The following SNX25 variants were observed in gnomAD, a reference collection of about 807,000 sequenced individuals.
The protein encoded by SNX25 is sorting nexin-25.
In SNX25, 62 loss-of-function variants were observed where a neutral mutation model predicts 113.7. That is an observed-to-expected ratio of 0.55 (90% CI 0.44 to 0.67). The LOEUF (loss-of-function observed/expected upper bound fraction) is 0.67, where lower values mean the gene tolerates loss of function less well. SNX25 is among the 30% of genes least tolerant of loss of function. The probability of loss-of-function intolerance (pLI) is 0.00; values close to 1 mark genes in which losing one functional copy is unlikely to be tolerated. For missense variants in SNX25, 1,014 were observed against 1,161.0 expected (o/e 0.87, Z 1.84); for synonymous variants, 421 against 436.2 (o/e 0.97, Z 0.43).
At chr4:185,253,601 T>A (rs909329437) in intron 2 of SNX25, among the ~76,000 whole-genome samples, 10 of 152,014 alleles carry the variant, frequency 6.6e-5, no homozygotes, top group African/African-American at 2.4e-4. Flanking sequence ...CCGAGTTGCT[T>A]GAGACTACAG....
intron 17 of SNX25, 121 bp from the exon 18 acceptor site, chr4:185,362,490 G>T: frequency 1.7e-6 from 2 of 1,178,442 alleles, no homozygotes; most frequent in Non-Finnish European, 2.3e-6. Flanking sequence ...GACCATTCAT[G>T]TTTCTCATGC....
upstream of SNX25, among the ~76,000 whole-genome samples, chr4:185,208,504 C>T (rs1404382605): frequency 1.3e-5 from 2 of 151,604 alleles, no homozygotes; most frequent in African/African-American, 4.8e-5. Context: ...CTGAGGCAGG[C>T]GGATCACGAG....
chr4:185,336,251 G>C (rs2095229174), intron 10 of SNX25, among the ~76,000 whole-genome samples: 1 of 152,110 alleles, frequency 6.6e-6, no homozygotes, highest in Non-Finnish European at 1.5e-5. Context: ...GGTGCTTTCT[G>C]AGATTTTGGT....
At chr4:185,332,354 T>C (rs184998961) in intron 9 of SNX25, among the ~76,000 whole-genome samples, 1 of 152,300 alleles carries the variant, frequency 6.6e-6, no homozygotes, top group Admixed American at 6.5e-5. Context: ...AATAATGGCA[T>C]GGGATTTCCC....
In SNX25 at chr4:185,341,954, C is replaced by A. The variant is rs778762278; in HGVS notation, c.2047-22C>A. ...CATTCACCATGCTTTTTGTAAGTAT[C>A]GATTTTGATGTTTTCCCCAAGGTTA... On this transcript the variant is annotated intron_variant, in intron 11 of 18. Transcript: ENST00000652585. 3.8e-6 allele frequency: 6 copies of A among 1,560,464 alleles called. No homozygotes were observed. The South Asian group carries it at 6.1e-5, about 16-fold the overall frequency.
At chr4:185,351,143 T>G (rs538561226) in intron 13 of SNX25, among the ~76,000 whole-genome samples, 4 of 152,346 alleles carry the variant, frequency 2.6e-5, no homozygotes, top group African/African-American at 9.6e-5. Context: ...AGCTGTAAAG[T>G]AAGAATTTTC....
chr4:185,285,832 A>T (rs183244783), intron 5 of SNX25, among the ~76,000 whole-genome samples: 9 of 151,888 alleles, frequency 5.9e-5, no homozygotes, highest in Admixed American at 5.9e-4. Flanking sequence ...GAGTGCAGTA[A>T]CACAATCATA....
intron 1 of SNX25, among the ~76,000 whole-genome samples, chr4:185,246,525 G>A (rs1029530524): frequency 6.6e-6 from 1 of 151,926 alleles, no homozygotes; most frequent in Non-Finnish European, 1.5e-5. Flanking sequence ...TTGGTCATTT[G>A]TTTATCTTTT....
rs545955208 is a variant in SNX25, at chr4:185,237,934, G to A, written c.430-9360G>A. On this transcript the variant is annotated intron_variant, in intron 1 of 18. Coordinates refer to ENST00000652585, the MANE Select transcript of SNX25 (RefSeq NM_001378034.2). Reference sequence around the variant, plus strand: ...AAAAATTAGCCGGGCGTGGTGGCACGTACCTGTAGTCCCAGCTACCCAGGA... The same window carrying A: ...AAAAATTAGCCGGGCGTGGTGGCACATACCTGTAGTCCCAGCTACCCAGGA... 1.2e-3 allele frequency among the ~76,000 whole-genome samples: 175 copies of A among 151,518 alleles called. 2 individuals carry two copies. Among genetic ancestry groups the A allele is most frequent in the Middle Eastern group, 0.01 (3 of 294 alleles).
chr4:185,371,903 G>A (rs555502105), downstream of SNX25, among the ~76,000 whole-genome samples: 12 of 152,224 alleles, frequency 7.9e-5, no homozygotes, highest in Non-Finnish European at 1.2e-4. Flanking sequence ...ACCTGGCGCT[G>A]TGGGAAGGGT....
chr4:185,241,338 C>A (rs1053775015), intron 1 of SNX25, among the ~76,000 whole-genome samples: 2 of 151,828 alleles, frequency 1.3e-5, no homozygotes, highest in African/African-American at 4.8e-5. Context: ...ACCAGTCAGG[C>A]GTGGCGGCGC....
intron 1 of SNX25, among the ~76,000 whole-genome samples, chr4:185,224,368 AAAATATATAGATAT>A (rs1740502205): frequency 6.8e-6 from 1 of 146,452 alleles, no homozygotes; most frequent in African/African-American, 2.5e-5. Context: ...TATATATATA[AAAATATATAGATAT>A]AAATATATAA....
intron 12 of SNX25, among the ~76,000 whole-genome samples, chr4:185,343,616 T>A (rs1042194655): frequency 6.6e-6 from 1 of 152,222 alleles, no homozygotes; most frequent in Non-Finnish European, 1.5e-5. Flanking sequence ...AATCTTACTT[T>A]TAGATTATTC....
At chr4:185,280,152 A>G (rs1010811505) in intron 5 of SNX25, among the ~76,000 whole-genome samples, 2 of 152,140 alleles carry the variant, frequency 1.3e-5, no homozygotes, top group Admixed American at 1.3e-4. Context: ...CTGGTCTCAA[A>G]CTATCCACCG....
chr4:185,363,841 A>G lies in SNX25; in HGVS notation c.*376A>G, dbSNP rs1321536769. 1 of 160,792 alleles carries G rather than the reference A, an allele frequency of 6.2e-6. No homozygotes were observed. Among genetic ancestry groups the G allele is most frequent in the Non-Finnish European group, 1.4e-5 (1 of 72,876 alleles). 10.0% of individuals were successfully genotyped at this position (160,792 alleles called of 1,614,324 possible). Reference sequence around the variant, plus strand: ...ACTGTGAACATTCTTATATTATTTCATGTATATTGAAGAACATTGTTATGC... The same window carrying G: ...ACTGTGAACATTCTTATATTATTTCGTGTATATTGAAGAACATTGTTATGC... On this transcript the variant is annotated 3_prime_UTR_variant, in exon 19 of 19. Coordinates refer to ENST00000652585, the MANE Select transcript of SNX25 (RefSeq NM_001378034.2). The surrounding 1 kb of genome is among the most constrained non-coding windows in gnomAD (Gnocchi z 4.2).
chr4:185,323,199 A>G (rs549297110), intron 8 of SNX25, among the ~76,000 whole-genome samples: 1 of 152,326 alleles, frequency 6.6e-6, no homozygotes, highest in South Asian at 2.1e-4. Context: ...AATTGACATT[A>G]GCTAATACAT....
intron 5 of SNX25, among the ~76,000 whole-genome samples, chr4:185,286,325 A>G (rs1374113312): frequency 1.3e-5 from 2 of 152,094 alleles, no homozygotes; most frequent in Non-Finnish European, 2.9e-5. Flanking sequence ...TATACTGCCT[A>G]GGCTCTTGAA....
chr4:185,206,429 G>C (rs886356516), upstream of SNX25, among the ~76,000 whole-genome samples: 1 of 152,018 alleles, frequency 6.6e-6, no homozygotes, highest in Non-Finnish European at 1.5e-5. Flanking sequence ...CCAGCACTTT[G>C]GGAGGCCAAG....
chr4:185,374,399 T>G (rs2095426224), downstream of SNX25: 1 of 1,614,074 alleles, frequency 6.2e-7, no homozygotes, highest in African/African-American at 1.3e-5. Flanking sequence ...CTGCAAATTT[T>G]AAGTGTCTTG....
Sources: gnomAD v4.1 joint callset for allele counts (sites outside exome capture counted in the v4.1 genomes callset) on GRCh38, gnomAD v4.1.1 for gene constraint, Gnocchi (gnomAD v3.1) non-coding constraint, MANE v1.5 for transcripts, NCBI Gene and HGNC (gene_info 2026-07-23, HGNC 2026-07-21) for gene names.